PALM2AKAP2: variants seen among roughly 807,000 people sequenced by gnomAD.
PALM2AKAP2 encodes the protein PALM2-AKAP2 fusion protein.
PALM2AKAP2 carries 37 observed loss-of-function variants against 71.5 expected under a neutral mutation model. The observed-to-expected ratio is 0.52, with a 90% CI of 0.40 to 0.68. The LOEUF (loss-of-function observed/expected upper bound fraction) is 0.68, where lower values mean the gene tolerates loss of function less well. Ranked by LOEUF, PALM2AKAP2 falls within the 30% of genes least tolerant of loss-of-function variation. The pLI is 0.00. For synonymous variants in PALM2AKAP2, 468 were observed against 478.8 expected (o/e 0.98, Z 0.29); for missense variants, 1,224 against 1,191.8 (o/e 1.03, Z -0.40).
At chr9:109,737,626 A>G (rs1004366415) in intron 1 of PALM2AKAP2, among the ~76,000 whole-genome samples, 10 of 152,238 alleles carry the variant, frequency 6.6e-5, no homozygotes, top group African/African-American at 2.2e-4. Context: ...GGGCTTTGCT[A>G]ATTTTAGCTA....
At chr9:109,945,017 G>A (rs191315942) in intron 6 of PALM2AKAP2, 1 of 152,134 alleles carries the variant, frequency 6.6e-6, no homozygotes, top group East Asian at 1.9e-4. Context: ...GTGGAAAGTA[G>A]ATCAGAAAAA....
chr9:109,708,677 G>A (rs767080799), intron 1 of PALM2AKAP2, among the ~76,000 whole-genome samples: 2 of 152,202 alleles, frequency 1.3e-5, no homozygotes, highest in Non-Finnish European at 2.9e-5. Flanking sequence ...ATCCAGGCAA[G>A]CCTTTTTGCA....
chr9:109,901,604 A>G (rs1417586331), intron 3 of PALM2AKAP2, among the ~76,000 whole-genome samples: 1 of 152,216 alleles, frequency 6.6e-6, no homozygotes, highest in Non-Finnish European at 1.5e-5. Flanking sequence ...TCTGAATGCT[A>G]AGTGGAGGGA....
chr9:109,937,823 A>C lies in PALM2AKAP2; in HGVS notation c.496+5795A>C, dbSNP rs575304581. ...TTTCTGTATGTCCATGTATGTTTCAAGATTTCTTTCAGGGCTCCCCAGAAA... is the reference window on the plus strand; with the variant it reads ...TTTCTGTATGTCCATGTATGTTTCACGATTTCTTTCAGGGCTCCCCAGAAA... On this transcript the variant is annotated intron_variant, in intron 6 of 9. Transcript: ENST00000302798. 7.2e-5 allele frequency among the ~76,000 whole-genome samples: 11 copies of C among 152,276 alleles called. No homozygotes were observed. In the South Asian group the frequency reaches 2.3e-3, roughly 32 times the overall value.
At chr9:110,019,193 C>A (rs1833031233) in intron 7 of PALM2AKAP2, among the ~76,000 whole-genome samples, 2 of 145,810 alleles carry the variant, frequency 1.4e-5, no homozygotes, top group Admixed American at 1.4e-4. Flanking sequence ...TGAGCCGAGT[C>A]TGCGCCACTG....
At chr9:109,778,320 A>G (rs1405522172), upstream of PALM2AKAP2, among the ~76,000 whole-genome samples, 2 of 152,204 alleles carry the variant, frequency 1.3e-5, no homozygotes, top group African/African-American at 2.4e-5. Context: ...ACTGTAGCTG[A>G]GTCTTTCAAC....
chr9:110,032,061 A>G (rs959138682), intron 7 of PALM2AKAP2, among the ~76,000 whole-genome samples: 76 of 67,936 alleles, frequency 1.1e-3, no homozygotes, highest in African/African-American at 3.2e-3. Context: ...GCTTACGGGG[A>G]AAAAAAAAAA....
intron 1 of PALM2AKAP2, among the ~76,000 whole-genome samples, chr9:109,842,216 C>G (rs1030726796): frequency 3.3e-5 from 5 of 152,094 alleles, no homozygotes; most frequent in African/African-American, 1.2e-4. Flanking sequence ...GGGGAGTGTA[C>G]AGGACCATCC....
chr9:110,115,615 T>A (rs1392753855), intron 1 of PALM2AKAP2, among the ~76,000 whole-genome samples: 4 of 152,054 alleles, frequency 2.6e-5, no homozygotes, highest in African/African-American at 4.8e-5. Context: ...TGTGTCAGAG[T>A]GAATTGGATT....
intron 1 of PALM2AKAP2, among the ~76,000 whole-genome samples, chr9:110,108,269 G>C (rs1340978395): frequency 6.6e-6 from 1 of 151,664 alleles, no homozygotes; most frequent in African/African-American, 2.4e-5. Context: ...CTGCCACCAC[G>C]CCCAGCTAAT....
rs577553697 is a variant in PALM2AKAP2, at chr9:109,722,648, C to T, written c.6-57840C>T. On this transcript the variant is annotated intron_variant, in intron 1 of 6. Transcript: ENST00000374531. ...TTAGCCAGGCGTGGTGGCATGCACC[C>T]GTAGACCCAGCTTTTCGTGAGGCTG... is the stretch of plus-strand genomic sequence containing the variant. Among the ~76,000 whole-genome samples the T allele has an allele frequency of 7.2e-5, 11 of 152,084 alleles. No homozygotes were observed. The South Asian group carries it at 1.5e-3, about 20-fold the overall frequency.
chr9:109,888,724 AAAAAAAAAG>A, intron 3 of PALM2AKAP2, among the ~76,000 whole-genome samples: 1 of 151,296 alleles, frequency 6.6e-6, no homozygotes, highest in East Asian at 1.9e-4. Context: ...AAAAAAAAAA[AAAAAAAAAG>A]AATAGTGCTG....
chr9:110,021,166 ATCC>A (rs1220354496), intron 7 of PALM2AKAP2, among the ~76,000 whole-genome samples: 5 of 152,156 alleles, frequency 3.3e-5, no homozygotes, highest in Non-Finnish European at 5.9e-5. Flanking sequence ...TGGGCCCTAA[ATCC>A]AATGACACAT....
intron 1 of PALM2AKAP2, among the ~76,000 whole-genome samples, chr9:109,723,048 G>A (rs540334195): frequency 6.6e-6 from 1 of 152,308 alleles, no homozygotes; most frequent in South Asian, 2.1e-4. Flanking sequence ...GCCTGCAGCT[G>A]CAGGCTATAC....
At chr9:109,742,650 T>G (rs1479292372) in intron 1 of PALM2AKAP2, among the ~76,000 whole-genome samples, 1 of 152,194 alleles carries the variant, frequency 6.6e-6, no homozygotes, top group African/African-American at 2.4e-5. Context: ...TCATTGATAA[T>G]GTACATGCAG....
chr9:110,156,008 A>G (rs1050208391), intron 2 of PALM2AKAP2, among the ~76,000 whole-genome samples: 1 of 152,210 alleles, frequency 6.6e-6, no homozygotes, highest in Non-Finnish European at 1.5e-5. Context: ...GTGATCTGTG[A>G]TAGAATACAT....
intron 1 of PALM2AKAP2, among the ~76,000 whole-genome samples, chr9:109,764,063 G>C (rs1829105136): frequency 6.6e-6 from 1 of 152,134 alleles, no homozygotes; most frequent in Non-Finnish European, 1.5e-5. Context: ...CCCAGGTACA[G>C]TCATCATAGT....
chr9:109,966,273 G>A (rs1481740479), intron 6 of PALM2AKAP2, among the ~76,000 whole-genome samples: 2 of 152,168 alleles, frequency 1.3e-5, no homozygotes, highest in African/African-American at 2.4e-5. Flanking sequence ...ACTAAACTAG[G>A]ATGGTGGCTG....
chr9:109,648,528 T>TA (rs970830259), intron 1 of PALM2AKAP2, among the ~76,000 whole-genome samples: 2 of 152,170 alleles, frequency 1.3e-5, no homozygotes, highest in African/African-American at 2.4e-5. Flanking sequence ...CAATAAATGT[T>TA]AAAAAAATTA....
Sources: gnomAD v4.1 joint callset for allele counts (sites outside exome capture counted in the v4.1 genomes callset) on GRCh38, gnomAD v4.1.1 for gene constraint, MANE v1.5 for transcripts, NCBI Gene and HGNC (gene_info 2026-07-23, HGNC 2026-07-21) for gene names.